GPC6: variants seen among roughly 807,000 people sequenced by gnomAD.
GPC6 encodes glypican-6.
In GPC6, 14 loss-of-function variants were observed where a neutral mutation model predicts 55.2. That is an observed-to-expected ratio of 0.25 (90% confidence interval 0.17 to 0.40). The LOEUF is 0.40. GPC6 is among the 10% of genes least tolerant of loss of function. The pLI is 1.00. For missense variants in GPC6, 641 were observed against 708.5 expected (o/e 0.90, Z 1.08); for synonymous variants, 278 against 259.6 (o/e 1.07, Z -0.68).
intron 1 of GPC6, among the ~76,000 whole-genome samples, chr13:93,490,057 G>A (rs1207068773): frequency 6.6e-6 from 1 of 151,218 alleles, no homozygotes. Flanking sequence ...GTTTTCAAAG[G>A]GAATGCTTCC....
chr13:93,888,812 A>C (rs1256868996), intron 3 of GPC6, among the ~76,000 whole-genome samples: 1 of 152,148 alleles, frequency 6.6e-6, no homozygotes. Context: ...AAAGAAACCA[A>C]ATTTAATTTC....
intron 2 of GPC6, among the ~76,000 whole-genome samples, chr13:93,725,131 A>T (rs903311067): frequency 6.6e-6 from 1 of 152,082 alleles, no homozygotes; most frequent in East Asian, 1.9e-4. Flanking sequence ...AAGTTATAAA[A>T]TTACCTTGAA....
intron 1 of GPC6, among the ~76,000 whole-genome samples, chr13:93,483,385 A>G (rs929805245): frequency 6.6e-6 from 1 of 152,172 alleles, no homozygotes; most frequent in African/African-American, 2.4e-5. Context: ...CTAGATAAGT[A>G]CTTACTGGTT....
At chr13:93,832,799 T>C (rs1391231858) in intron 3 of GPC6, among the ~76,000 whole-genome samples, 1 of 152,144 alleles carries the variant, frequency 6.6e-6, no homozygotes, top group Non-Finnish European at 1.5e-5. Flanking sequence ...GAGTATGACC[T>C]TTTTCTCTAG....
intron 1 of GPC6, among the ~76,000 whole-genome samples, chr13:93,495,364 T>TTCAGCTCCA (rs1880221305): frequency 6.9e-6 from 1 of 144,582 alleles, no homozygotes; most frequent in Non-Finnish European, 1.5e-5. Context: ...AGCCTTGGTT[T>TTCAGCTCCA]TCAGCTCCAT....
intron 2 of GPC6, among the ~76,000 whole-genome samples, chr13:93,614,017 G>T (rs1386767021): frequency 1.3e-5 from 2 of 152,048 alleles, no homozygotes; most frequent in African/African-American, 4.8e-5. Flanking sequence ...CAGTTACTGT[G>T]GCCAAAAACC....
intron 1 of GPC6, among the ~76,000 whole-genome samples, chr13:93,239,376 T>G (rs188905522): frequency 2.6e-4 from 40 of 151,968 alleles, no homozygotes; most frequent in Admixed American, 2.4e-3. Flanking sequence ...TTAGAGATGT[T>G]CATAGAACAT....
At chr13:93,761,307 T>C (rs923534169) in intron 2 of GPC6, among the ~76,000 whole-genome samples, 1 of 152,184 alleles carries the variant, frequency 6.6e-6, no homozygotes. Context: ...CACTCTGCTA[T>C]GTAGTATATG....
chr13:93,899,824 G>C (rs1476450048), intron 3 of GPC6, among the ~76,000 whole-genome samples: 1 of 152,078 alleles, frequency 6.6e-6, no homozygotes, highest in Admixed American at 6.6e-5. Flanking sequence ...TATTTATCTA[G>C]TGAATATAAA....
intron 1 of GPC6, among the ~76,000 whole-genome samples, chr13:93,462,345 A>G (rs1478582690): frequency 6.6e-6 from 1 of 152,108 alleles, no homozygotes; most frequent in Admixed American, 6.6e-5. Context: ...TATCACACCA[A>G]ATTACCAGTA....
chr13:93,934,194 G>A (rs1415984394), intron 3 of GPC6, among the ~76,000 whole-genome samples: 3 of 152,126 alleles, frequency 2.0e-5, no homozygotes, highest in African/African-American at 7.2e-5. Flanking sequence ...GTGCTATTCA[G>A]TATGATAGCC....
At chr13:93,272,950 G>A (rs1468476048) in intron 1 of GPC6, among the ~76,000 whole-genome samples, 1 of 152,156 alleles carries the variant, frequency 6.6e-6, no homozygotes, top group Non-Finnish European at 1.5e-5. Context: ...ATGCAGTAAG[G>A]TGGTAGGTTT....
intron 1 of GPC6, among the ~76,000 whole-genome samples, chr13:93,492,029 T>G (rs1880032130): frequency 7.1e-6 from 1 of 141,588 alleles, no homozygotes; most frequent in South Asian, 2.3e-4. Flanking sequence ...CATATGAACT[T>G]TAAAGTAGTT....
At chr13:93,958,561 G>A (rs1368946572) in intron 3 of GPC6, among the ~76,000 whole-genome samples, 1 of 152,036 alleles carries the variant, frequency 6.6e-6, no homozygotes, top group Non-Finnish European at 1.5e-5. Flanking sequence ...CTATATGTCT[G>A]TTTTTACCAG....
chr13:93,928,937 T>TATTTAAAG (rs1448005491), intron 3 of GPC6, among the ~76,000 whole-genome samples: 2 of 148,784 alleles, frequency 1.3e-5, no homozygotes, highest in Non-Finnish European at 3.0e-5. Context: ...AAAAAATAGA[T>TATTTAAAG]ATTTAAAGTA....
At chr13:94,266,450 G>T (rs1344076676) in intron 4 of GPC6, among the ~76,000 whole-genome samples, 2 of 152,164 alleles carry the variant, frequency 1.3e-5, no homozygotes, top group African/African-American at 4.8e-5. Context: ...TTACAGGCGT[G>T]AGCCACCGCG....
chr13:93,281,777 G>A (rs534003777), intron 1 of GPC6, among the ~76,000 whole-genome samples: 1 of 152,266 alleles, frequency 6.6e-6, no homozygotes, highest in East Asian at 1.9e-4. Context: ...GATCATGCCA[G>A]TGTACTCCAG....
chr13:93,398,936 C>T (rs1253537720), intron 1 of GPC6, among the ~76,000 whole-genome samples: 1 of 152,062 alleles, frequency 6.6e-6, no homozygotes, highest in African/African-American at 2.4e-5. Context: ...TCCATGATGC[C>T]AATCTTCTTT....
intron 6 of GPC6, among the ~76,000 whole-genome samples, chr13:94,340,172 C>T (rs753636045): frequency 1.1e-4 from 16 of 152,140 alleles, no homozygotes; most frequent in East Asian, 1.9e-4. Flanking sequence ...AATGGTTAAA[C>T]GGCAACTGGG....
Sources: gnomAD v4.1 joint callset for allele counts (sites outside exome capture counted in the v4.1 genomes callset) on GRCh38, gnomAD v4.1.1 for gene constraint, MANE v1.5 for transcripts, NCBI Gene and HGNC (gene_info 2026-07-23, HGNC 2026-07-21) for gene names.